LRRTM4: variants seen among roughly 807,000 people sequenced by gnomAD.
LRRTM4 encodes leucine rich repeat transmembrane neuronal 4.
A neutral mutation model predicts 47.6 loss-of-function variants in LRRTM4; 25 were observed. The ratio of observed to expected loss-of-function variants is 0.53; its 90% CI spans 0.38 to 0.73. The LOEUF is 0.73. Among genes scored for constraint, LRRTM4 ranks in the 30% least tolerant of loss-of-function variants. The pLI is 0.00. For synonymous variants in LRRTM4, 311 were observed against 269.5 expected, an observed-to-expected ratio of 1.15 and a Z score of -1.51; for missense variants, 638 against 713.4, an observed-to-expected ratio of 0.89 and a Z score of 1.20.
At chr2:77,046,079 T>C (rs1235407923) in intron 3 of LRRTM4, among the ~76,000 whole-genome samples, 1 of 152,012 alleles carries the variant, frequency 6.6e-6, no homozygotes, top group East Asian at 1.9e-4. Context: ...TTTGATTCTT[T>C]TTAGTATCAT....
At chr2:77,226,058 T>C (rs1329972921) in intron 3 of LRRTM4, among the ~76,000 whole-genome samples, 1 of 151,608 alleles carries the variant, frequency 6.6e-6, no homozygotes, top group Non-Finnish European at 1.5e-5. Context: ...GTTATATATT[T>C]TATAATTATT....
chr2:77,242,922 C>T (rs984291934), intron 3 of LRRTM4, among the ~76,000 whole-genome samples: 1 of 151,968 alleles, frequency 6.6e-6, no homozygotes, highest in African/African-American at 2.4e-5. Flanking sequence ...ATCTATACAC[C>T]CGTGTTCATA....
intron 3 of LRRTM4, among the ~76,000 whole-genome samples, chr2:76,812,800 T>TCCCCCCCC (rs1670784793): frequency 8.5e-5 from 4 of 46,846 alleles, no homozygotes; most frequent in East Asian, 9.9e-4. Context: ...CTCCCCCCCC[T>TCCCCCCCC]CCTCCTCCTT....
chr2:76,920,019 T>C (rs974137589), intron 3 of LRRTM4, among the ~76,000 whole-genome samples: 8 of 152,252 alleles, frequency 5.3e-5, no homozygotes, highest in Middle Eastern at 3.4e-3. Context: ...GTGTTTTACA[T>C]GATAAACTTT....
In LRRTM4 at chr2:77,498,234, C is replaced by A. The variant is rs556229123; in HGVS notation, c.1551+20084G>T. Among the ~76,000 whole-genome samples the A allele has an allele frequency of 5.9e-5, 9 of 151,910 alleles. No individual in the cohort carries two copies. In the East Asian group the frequency reaches 1.7e-3, roughly 29 times the overall value. On this transcript the variant is annotated intron_variant, in intron 3 of 3. Coordinates refer to ENST00000409884, the MANE Select transcript of LRRTM4 (RefSeq NM_001134745.3). ...TCTTTCATCAAGAGTTTAACCATATCTCTCCCATATAATAGAGGAAAATTC... is the reference window on the plus strand; with the variant it reads ...TCTTTCATCAAGAGTTTAACCATATATCTCCCATATAATAGAGGAAAATTC...
rs913406999 is a variant in LRRTM4, at chr2:77,067,056, T to C, written c.1552-318140A>G. On this transcript the variant is annotated intron_variant, in intron 3 of 3. Coordinates refer to ENST00000409884, the MANE Select transcript of LRRTM4 (RefSeq NM_001134745.3). The stretch of plus-strand genomic sequence containing the variant: ...TTCTGACACTCCGTTAGAATTAAAG[T>C]ATAGCACATTCCCAGTTAATAGAAC... Among the ~76,000 whole-genome samples the C allele has an allele frequency of 3.3e-5, 5 of 152,342 alleles. No individual in the cohort carries two copies. The East Asian group carries it at 9.7e-4, about 29-fold the overall frequency.
chr2:76,891,627 C>G (rs556158905), intron 3 of LRRTM4, among the ~76,000 whole-genome samples: 1 of 151,652 alleles, frequency 6.6e-6, no homozygotes, highest in African/African-American at 2.4e-5. Flanking sequence ...GGGGAAAATA[C>G]AGACTTTTTA....
intron 3 of LRRTM4, among the ~76,000 whole-genome samples, chr2:77,058,265 A>G (rs1679672259): frequency 6.6e-6 from 1 of 152,150 alleles, no homozygotes; most frequent in African/African-American, 2.4e-5. Flanking sequence ...TTTTGGTCAT[A>G]TAAAAAGTGC....
At chr2:76,756,002 G>A (rs1470956072) in intron 3 of LRRTM4, among the ~76,000 whole-genome samples, 1 of 152,056 alleles carries the variant, frequency 6.6e-6, no homozygotes, top group East Asian at 1.9e-4. Context: ...GCTATCATAA[G>A]ACTGAAAGAG....
Position 77,217,640 on chromosome 2 carries a change from C to T in LRRTM4, c.1551+300678G>A, listed in dbSNP as rs79637349. The stretch of plus-strand genomic sequence containing the variant: ...CATTTGCTGTGTTGCTGAAATGTTC[C>T]ATGTCCCATCACTTCTGTTTTGAGA... On this transcript the variant is annotated intron_variant, in intron 3 of 3. Transcript: ENST00000409884. 7.7e-3 allele frequency among the ~76,000 whole-genome samples: 1,165 copies of T among 151,526 alleles called. 16 individuals are homozygous for T. The highest frequency in any genetic ancestry group is 0.025 in the African/African-American group (1,025 of 41,332).
At chr2:77,078,380 CCACA>C (rs59703273) in intron 3 of LRRTM4, among the ~76,000 whole-genome samples, 22,854 of 139,196 alleles carry the variant, frequency 0.16, 2,676 homozygotes, top group East Asian at 0.36. Context: ...ACACACACAC[CCACA>C]CACACACACA....
intron 3 of LRRTM4, among the ~76,000 whole-genome samples, chr2:77,283,181 A>G (rs920547576): frequency 4.6e-5 from 7 of 152,078 alleles, no homozygotes; most frequent in Non-Finnish European, 7.4e-5. Context: ...ATGAACAGAC[A>G]CTTCTCAAAA....
chr2:77,322,333 T>C (rs1369955432), intron 3 of LRRTM4, among the ~76,000 whole-genome samples: 1 of 152,146 alleles, frequency 6.6e-6, no homozygotes, highest in East Asian at 1.9e-4. Context: ...ATATATCTCT[T>C]TAAGTAACAT....
intron 3 of LRRTM4, among the ~76,000 whole-genome samples, chr2:77,228,579 A>G (rs187463732): frequency 6.6e-6 from 1 of 152,292 alleles, no homozygotes; most frequent in Admixed American, 6.5e-5. Context: ...CCAGTTTTCT[A>G]CATTACACAG....
At chr2:77,165,119 G>C (rs1388544535) in intron 3 of LRRTM4, among the ~76,000 whole-genome samples, 1 of 152,082 alleles carries the variant, frequency 6.6e-6, no homozygotes, top group Non-Finnish European at 1.5e-5. Flanking sequence ...AATAAAAAAT[G>C]ATAAAGGGGA....
At chr2:77,130,443 A>G (rs1671764204) in intron 3 of LRRTM4, among the ~76,000 whole-genome samples, 1 of 152,152 alleles carries the variant, frequency 6.6e-6, no homozygotes, top group Non-Finnish European at 1.5e-5. Flanking sequence ...GTATTTTTGA[A>G]GAAATTTCCA....
chr2:77,512,052 G>A (rs1012063460), intron 3 of LRRTM4, among the ~76,000 whole-genome samples: 1 of 152,070 alleles, frequency 6.6e-6, no homozygotes, highest in Non-Finnish European at 1.5e-5. Context: ...CGAACTTTTG[G>A]CCTTCAGCGA....
At chr2:77,102,403 T>C (rs1670978348) in intron 3 of LRRTM4, among the ~76,000 whole-genome samples, 1 of 152,198 alleles carries the variant, frequency 6.6e-6, no homozygotes, top group Admixed American at 6.5e-5. Context: ...GATGAATGTC[T>C]AGGTTACTTC....
chr2:77,327,739 C>A (rs1040315209), intron 3 of LRRTM4, among the ~76,000 whole-genome samples: 2 of 152,052 alleles, frequency 1.3e-5, no homozygotes, highest in African/African-American at 4.8e-5. Context: ...CAGTGATATT[C>A]ACAGGGTTAT....
Sources: gnomAD v4.1 joint callset for allele counts (sites outside exome capture counted in the v4.1 genomes callset) on GRCh38, gnomAD v4.1.1 for gene constraint, MANE v1.5 for transcripts, NCBI Gene and HGNC (gene_info 2026-07-23, HGNC 2026-07-21) for gene names.